The following SEMA3A variants were observed in gnomAD, a reference collection of about 807,000 sequenced individuals.
SEMA3A encodes the protein semaphorin-3A.
SEMA3A carries 29 observed loss-of-function variants against 97.9 expected under a neutral mutation model. That is an observed-to-expected ratio of 0.30 (90% CI 0.22 to 0.40). The LOEUF is 0.40. Ranked by LOEUF, SEMA3A falls within the 10% of genes least tolerant of loss-of-function variation. SEMA3A has a pLI of 1.00. For missense variants in SEMA3A, 763 were observed against 951.3 expected (o/e 0.80, Z 2.60); for synonymous variants, 321 against 323.7 (o/e 0.99, Z 0.09).
intron 3 of SEMA3A, among the ~76,000 whole-genome samples, chr7:84,259,456 A>G (rs1258713151): frequency 6.6e-6 from 1 of 152,122 alleles, no homozygotes; most frequent in Admixed American, 6.6e-5. Context: ...TGTAAGATAC[A>G]TATATTTGTC....
intron 1 of SEMA3A, among the ~76,000 whole-genome samples, chr7:84,430,189 C>G (rs1050775848): frequency 6.6e-6 from 1 of 151,832 alleles, no homozygotes; most frequent in Admixed American, 6.6e-5. Context: ...ATAATATTCT[C>G]TCAGTGTACT....
intron 3 of SEMA3A, among the ~76,000 whole-genome samples, chr7:84,281,269 T>A (rs1008460179): frequency 6.6e-6 from 1 of 152,160 alleles, no homozygotes; most frequent in Non-Finnish European, 1.5e-5. Flanking sequence ...TTGAGGAGGC[T>A]GGGAGCAGAA....
rs531216623 is a variant in SEMA3A, at chr7:84,247,978, T to C, written c.-82-53310A>G. On this transcript the variant is annotated intron_variant, in intron 3 of 3. Transcript: ENST00000424555. Reference sequence around the variant, plus strand: ...TACCTAGGCTCTTTTATAGTTTATATATTATGTTTATATTTTCAACATGAA... The same window carrying C: ...TACCTAGGCTCTTTTATAGTTTATACATTATGTTTATATTTTCAACATGAA... Among the ~76,000 whole-genome samples the C allele has an allele frequency of 1.2e-4, 18 of 152,344 alleles. No homozygotes were observed. The South Asian group carries it at 3.1e-3, about 26-fold the overall frequency.
At position 84,460,290 on chromosome 7, in the gene SEMA3A, CAT is replaced by C. The variant is rs148622874; in HGVS notation, c.-246+32168_-246+32169del. On this transcript the variant is annotated intron_variant, in intron 1 of 3. Transcript: ENST00000424555. Reference sequence around the variant, plus strand: ...TAAAAGTTTGACTCTGTTTTCCTAACATATTCAGGAACTAGTCATATAGTGCC... The same window carrying C: ...TAAAAGTTTGACTCTGTTTTCCTAACATTCAGGAACTAGTCATATAGTGCC... Among the ~76,000 whole-genome samples, 377 of 152,076 alleles carry C rather than the reference CAT, an allele frequency of 2.5e-3. 10 individuals carry two copies. In the East Asian group the frequency reaches 0.056, roughly 22 times the overall value.
At chr7:84,454,348 T>G (rs970382285) in intron 1 of SEMA3A, among the ~76,000 whole-genome samples, 2 of 152,320 alleles carry the variant, frequency 1.3e-5, no homozygotes, top group Non-Finnish European at 2.9e-5. Flanking sequence ...AGTCATTTCT[T>G]GGCCTTGTCC....
chr7:84,166,624 GC>G (rs2116186727), intron 1 of SEMA3A, among the ~76,000 whole-genome samples: 1 of 151,430 alleles, frequency 6.6e-6, no homozygotes, highest in East Asian at 2.0e-4. Context: ...TGTAATCCCA[GC>G]CCTTTGGGAG....
intron 4 of SEMA3A, among the ~76,000 whole-genome samples, chr7:84,092,036 C>A (rs1056601752): frequency 1.3e-5 from 2 of 152,108 alleles, no homozygotes; most frequent in East Asian, 1.9e-4. Flanking sequence ...ATCAGAGTAT[C>A]AGAATACTCT....
chr7:84,236,394 A>G (rs1342570390), intron 3 of SEMA3A, among the ~76,000 whole-genome samples: 4 of 152,088 alleles, frequency 2.6e-5, no homozygotes, highest in Admixed American at 2.0e-4. Context: ...TCCTAACAGA[A>G]GTTTCTAACT....
chr7:84,088,851 T>C (rs1302950031), intron 4 of SEMA3A, among the ~76,000 whole-genome samples: 2 of 152,176 alleles, frequency 1.3e-5, no homozygotes, highest in African/African-American at 2.4e-5. Context: ...GATTAATACA[T>C]GAAAGTATTC....
At chr7:84,330,761 A>T (rs1801891813) in intron 2 of SEMA3A, among the ~76,000 whole-genome samples, 1 of 152,082 alleles carries the variant, frequency 6.6e-6, no homozygotes, top group Non-Finnish European at 1.5e-5. Context: ...TTTAAAAAAT[A>T]ATTCAACTCC....
chr7:84,488,221 T>C (rs1391619468), intron 1 of SEMA3A, among the ~76,000 whole-genome samples: 1 of 152,016 alleles, frequency 6.6e-6, no homozygotes, highest in Non-Finnish European at 1.5e-5. Flanking sequence ...AGAATGTTTT[T>C]CACTAGAGAG....
intron 1 of SEMA3A, among the ~76,000 whole-genome samples, chr7:84,440,606 G>C (rs1261073397): frequency 6.6e-6 from 1 of 152,066 alleles, no homozygotes; most frequent in African/African-American, 2.4e-5. Flanking sequence ...ATATTCATGG[G>C]ATAATGGAAT....
At chr7:84,454,422 T>C (rs1805637957) in intron 1 of SEMA3A, among the ~76,000 whole-genome samples, 1 of 152,150 alleles carries the variant, frequency 6.6e-6, no homozygotes, top group Non-Finnish European at 1.5e-5. Context: ...TTTCCACCTG[T>C]GTATAGAGGA....
chr7:84,426,675 T>A (rs1804837234), intron 1 of SEMA3A, among the ~76,000 whole-genome samples: 1 of 152,148 alleles, frequency 6.6e-6, no homozygotes, highest in Non-Finnish European at 1.5e-5. Flanking sequence ...AGGTTTAATC[T>A]TTTTTCCTTT....
rs138402774 is a variant in SEMA3A at position 84,170,857 on chromosome 7, A to G, written c.112+23618T>C. ...ACAATAACATTTTGGCTGCTTTTAT[A>G]ACACTCATTTAATGTTTACAGTTTA... is the stretch of plus-strand genomic sequence containing the variant. On this transcript the variant is annotated intron_variant, in intron 1 of 16. Coordinates refer to ENST00000265362, the MANE Select transcript of SEMA3A (RefSeq NM_006080.3). Among the ~76,000 whole-genome samples the G allele has an allele frequency of 3.1e-4, 47 of 152,192 alleles. No individual in the cohort carries two copies. The East Asian group carries it at 8.7e-3, about 28-fold the overall frequency.
At chr7:84,315,980 T>G (rs2115887539) in intron 2 of SEMA3A, among the ~76,000 whole-genome samples, 1 of 151,576 alleles carries the variant, frequency 6.6e-6, no homozygotes, top group Non-Finnish European at 1.5e-5. Context: ...TCTAATTTTA[T>G]TTTCTTTTCT....
rs1175573664 is a variant in SEMA3A, at chr7:84,440,901, G to A, written c.-246+51559C>T. Among the ~76,000 whole-genome samples the A allele has an allele frequency of 2.6e-5, 4 of 152,192 alleles. No homozygotes were observed. The East Asian group carries it at 7.7e-4, about 29-fold the overall frequency. ...AGGCCAGGTGTGGTGGCTCACGCCT[G>A]TAATCTCAGCACTTTGGGAGGCCGA... On this transcript the variant is annotated intron_variant, in intron 1 of 3. Coordinates refer to the SEMA3A transcript ENST00000424555.
chr7:84,242,259 G>A (rs1446026584), intron 3 of SEMA3A, among the ~76,000 whole-genome samples: 1 of 152,164 alleles, frequency 6.6e-6, no homozygotes, highest in Non-Finnish European at 1.5e-5. Flanking sequence ...TTCTGTCTAT[G>A]AGCATGGAAT....
chr7:84,284,304 A>G (rs891210601), intron 3 of SEMA3A, among the ~76,000 whole-genome samples: 21 of 152,184 alleles, frequency 1.4e-4, no homozygotes, highest in African/African-American at 4.6e-4. Flanking sequence ...GGAATGTTCA[A>G]TCTAGTTCTC....
Sources: allele counts gnomAD v4.1 joint callset (sites outside exome capture counted in the v4.1 genomes callset), GRCh38; gene constraint gnomAD v4.1.1; transcripts MANE v1.5; gene names NCBI Gene and HGNC (gene_info 2026-07-23, HGNC 2026-07-21).